ASXL1: variants seen among roughly 807,000 people sequenced by gnomAD.
ASXL1 encodes polycomb group protein ASXL1.
A neutral mutation model predicts 89.1 loss-of-function variants in ASXL1; 65 were observed. The ratio of observed to expected loss-of-function variants is 0.73; its 90% confidence interval spans 0.60 to 0.90. The LOEUF is 0.90. ASXL1 is among the 40% of genes least tolerant of loss of function. ASXL1 has a pLI of 0.00. For missense variants in ASXL1, 1,786 were observed against 1,942.9 expected (o/e 0.92, Z 1.52); for synonymous variants, 739 against 746.9 (o/e 0.99, Z 0.17).
chr20:32,358,900 A>G (rs2122755804), intron 1 of ASXL1, 68 bp downstream of exon 1: 3 of 1,368,000 alleles, frequency 2.2e-6, no homozygotes, highest in Non-Finnish European at 1.9e-6. Flanking sequence ...GCACCCCCCC[A>G]CTGGGGGGGG....
intron 4 of ASXL1, among the ~76,000 whole-genome samples, chr20:32,391,270 T>C (rs2048666674): frequency 6.6e-6 from 1 of 152,196 alleles, no homozygotes; most frequent in African/African-American, 2.4e-5. Context: ...CTTCAGTTGA[T>C]AGACATTTGG....
chr20:32,387,443 T>TTCAGTTTTAATTTAATTTAATTCA (rs1481607441), intron 4 of ASXL1, among the ~76,000 whole-genome samples: 1 of 152,222 alleles, frequency 6.6e-6, no homozygotes, highest in Non-Finnish European at 1.5e-5. Flanking sequence ...TCTTAAATAC[T>TTCAGTTTTAATTTAATTTAATTCA]ACTGGCGAAT....
intron 4 of ASXL1, among the ~76,000 whole-genome samples, chr20:32,370,455 C>T (rs960294803): frequency 2.0e-5 from 3 of 151,940 alleles, no homozygotes; most frequent in African/African-American, 4.8e-5. Context: ...GTTTTACTTA[C>T]GAAAACAGGC....
intron 1 of ASXL1, chr20:32,359,461 C>T (rs2048072960): frequency 1.4e-6 from 1 of 691,710 alleles, no homozygotes; most frequent in Non-Finnish European, 2.6e-6. Flanking sequence ...CTTCGTAAGA[C>T]CTGCTGAGCC....
intron 5 of ASXL1, 27 bp from the exon 6 acceptor site, chr20:32,428,298 A>T (rs759258073): frequency 6.2e-7 from 1 of 1,614,030 alleles, no homozygotes; most frequent in African/African-American, 1.3e-5. Flanking sequence ...GGCACTAGGG[A>T]CTAACCTTTA....
chr20:32,424,034 T>C (rs2123183650), intron 4 of ASXL1, among the ~76,000 whole-genome samples: 1 of 152,348 alleles, frequency 6.6e-6, no homozygotes, highest in East Asian at 1.9e-4. Flanking sequence ...GCCCTATTCC[T>C]GTTTGTTTAA....
rs2011672996 is a variant in ASXL1 at position 32,434,635 on chromosome 20, CGGAGG to C, written c.1926_1930del (p.Gly644TrpfsTer12). The C allele has an allele frequency of 1.2e-6, 2 of 1,607,600 alleles. No individual in the cohort carries two copies. The highest frequency in any genetic ancestry group is 1.7e-6 in the Non-Finnish European group (2 of 1,176,844). ...ATAGAGAGGCGGCCACCACTGCCAT[CGGAGG>C]GGGGGGTGGCCCGGGTGGAGGTGGC... On this transcript the variant is annotated frameshift_variant, in exon 13 of 13. Transcript: ENST00000375687. LOFTEE classifies it low-confidence loss of function (END_TRUNC).
At chr20:32,384,196 C>CTT (rs2048536652) in intron 4 of ASXL1, among the ~76,000 whole-genome samples, 1 of 121,030 alleles carries the variant, frequency 8.3e-6, no homozygotes, top group Non-Finnish European at 1.7e-5. Context: ...TAGCAGCAGT[C>CTT]TGTTTTTTTT....
intron 4 of ASXL1, among the ~76,000 whole-genome samples, chr20:32,423,079 T>G (rs997927159): frequency 1.3e-5 from 2 of 152,190 alleles, no homozygotes; most frequent in Non-Finnish European, 2.9e-5. Context: ...AAGTCAATTA[T>G]GTCAAACTTA....
intron 4 of ASXL1, among the ~76,000 whole-genome samples, chr20:32,408,856 A>G (rs1183816881): frequency 6.6e-6 from 1 of 152,178 alleles, no homozygotes; most frequent in Non-Finnish European, 1.5e-5. Context: ...ATCCATGAAC[A>G]TGGTATAATC....
In ASXL1 at chr20:32,434,735, C is replaced by T; in HGVS notation, c.2023C>T (p.Pro675Ser). Residue 675 changes from proline to serine, a missense_variant, in exon 13 of 13, where the codon CCT becomes TCT. Coordinates refer to ENST00000375687, the MANE Select transcript of ASXL1 (RefSeq NM_015338.6). ...TGATGGTGGTGAGGCCTGTGGCCACCCTGAGCCCAGGGGAGGCCCGAGCAC... is the reference window on the plus strand; with the variant it reads ...TGATGGTGGTGAGGCCTGTGGCCACTCTGAGCCCAGGGGAGGCCCGAGCAC... The part of the protein sequence containing the change: ...SGDGGEACGH[P>S]EPRGGPSTPG... The T allele has an allele frequency of 6.2e-7, 1 of 1,612,684 alleles. No individual in the cohort carries two copies. Among genetic ancestry groups the T allele is most frequent in the Non-Finnish European group, 8.5e-7 (1 of 1,179,692 alleles).
chr20:32,358,927 C>A, intron 1 of ASXL1, 95 bp downstream of exon 1: 1 of 1,281,672 alleles, frequency 7.8e-7, no homozygotes, highest in Non-Finnish European at 1.0e-6. Flanking sequence ...AAGGCCCTGC[C>A]CACCGCGGGA....
chr20:32,358,899 C>T, intron 1 of ASXL1, 67 bp downstream of exon 1: 1 of 1,405,028 alleles, frequency 7.1e-7, no homozygotes, highest in Non-Finnish European at 9.3e-7. Flanking sequence ...CGCACCCCCC[C>T]ACTGGGGGGG....
rs2012046267 is a variant in ASXL1, at chr20:32,438,342, A to G, written c.*1004A>G. The G allele has an allele frequency of 4.3e-6, 1 of 233,540 alleles. No homozygotes were observed. Among genetic ancestry groups the G allele is most frequent in the Non-Finnish European group, 8.5e-6 (1 of 118,020 alleles). The allele number at this position is 233,540 out of a possible 1,614,324, so 14.5% of individuals were successfully genotyped here. On this transcript the variant is annotated 3_prime_UTR_variant, in exon 13 of 13. Coordinates refer to ENST00000375687, the MANE Select transcript of ASXL1 (RefSeq NM_015338.6). ...GATTCTGTAAATGGATGTATTGTAC[A>G]GAGAACATGAACGTCTCTTCCTAAT...
intron 1 of ASXL1, chr20:32,359,184 A>G: frequency 2.9e-6 from 2 of 691,020 alleles, no homozygotes; most frequent in Non-Finnish European, 2.6e-6. Context: ...TCGTTCATTC[A>G]CCCGGGGGAG....
chr20:32,424,747 T>A (rs1012592544), intron 4 of ASXL1, among the ~76,000 whole-genome samples: 7 of 152,238 alleles, frequency 4.6e-5, no homozygotes, highest in Non-Finnish European at 1.0e-4. Flanking sequence ...TTTAAATGGC[T>A]ATCTGTGGTA....
chr20:32,404,121 C>G (rs1419893824), intron 4 of ASXL1, among the ~76,000 whole-genome samples: 1 of 152,144 alleles, frequency 6.6e-6, no homozygotes, highest in East Asian at 1.9e-4. Context: ...CTAATTTCTT[C>G]TATCTAACTG....
chr20:32,434,486 CAG>C lies in ASXL1; in HGVS notation c.1776_1777del (p.Gln592HisfsTer26), dbSNP rs1233714335. On this transcript the variant is annotated frameshift_variant, in exon 13 of 13. Coordinates refer to ENST00000375687, the MANE Select transcript of ASXL1 (RefSeq NM_015338.6). LOFTEE classifies it low-confidence loss of function (END_TRUNC). Reference sequence around the variant, plus strand: ...GGTGGTTAAAGGTCAGCCCACTTACCAGATATGCCCCCGGATCATCCCCACCA... The same window carrying C: ...GGTGGTTAAAGGTCAGCCCACTTACCATATGCCCCCGGATCATCCCCACCA... ...PWVVKGQPTY[Q>X]ICPRIIPTTE... 6.2e-7 allele frequency: 1 copy of C among 1,613,946 alleles called. No individual in the cohort carries two copies. The highest frequency in any genetic ancestry group is 8.5e-7 in the Non-Finnish European group (1 of 1,180,012).
chr20:32,432,661 TTG>T, intron 10 of ASXL1: 1 of 517,218 alleles, frequency 1.9e-6, no homozygotes, highest in Non-Finnish European at 3.5e-6. Context: ...GTTCTTTTGT[TTG>T]TTGTTTTGCT....
Sources: gnomAD v4.1 joint callset for allele counts (sites outside exome capture counted in the v4.1 genomes callset) on GRCh38, gnomAD v4.1.1 for gene constraint, MANE v1.5 for transcripts, NCBI Gene and HGNC (gene_info 2026-07-23, HGNC 2026-07-21) for gene names.